ZFYVE9: variants seen among roughly 807,000 people sequenced by gnomAD.
The protein encoded by ZFYVE9 is zinc finger FYVE-type containing 9, also known as zinc finger FYVE domain-containing protein 9.
ZFYVE9 carries 43 observed loss-of-function variants against 126.7 expected under a neutral mutation model. That is an observed-to-expected ratio of 0.34 (90% CI 0.27 to 0.44). The LOEUF (loss-of-function observed/expected upper bound fraction) is 0.44, where lower values mean the gene tolerates loss of function less well. Ranked by LOEUF, ZFYVE9 falls within the 20% of genes least tolerant of loss-of-function variation. The probability of loss-of-function intolerance (pLI) is 1.00; values close to 1 mark genes in which losing one functional copy is unlikely to be tolerated. For missense variants in ZFYVE9, 1,476 were observed against 1,697.0 expected, an observed-to-expected ratio of 0.87 and a Z score of 2.29; for synonymous variants, 521 against 597.4, an observed-to-expected ratio of 0.87 and a Z score of 1.87.
chr1:52,295,123 G>T (rs1007291459), intron 11 of ZFYVE9, among the ~76,000 whole-genome samples: 12 of 151,994 alleles, frequency 7.9e-5, no homozygotes, highest in Non-Finnish European at 1.5e-4. Flanking sequence ...CAGGAGAATC[G>T]CTTGAACCCT....
chr1:52,282,907 C>G (rs1645818469), intron 10 of ZFYVE9, among the ~76,000 whole-genome samples: 1 of 152,040 alleles, frequency 6.6e-6, no homozygotes, highest in Non-Finnish European at 1.5e-5. Flanking sequence ...ATTACAGAAG[C>G]AGGATATATA....
At chr1:52,220,890 C>T (rs1645118597) in intron 2 of ZFYVE9, among the ~76,000 whole-genome samples, 1 of 152,180 alleles carries the variant, frequency 6.6e-6, no homozygotes, top group African/African-American at 2.4e-5. Flanking sequence ...GTTTGATCTG[C>T]AAGGTTATTT....
intron 1 of ZFYVE9, among the ~76,000 whole-genome samples, chr1:52,181,547 G>A (rs1281075495): frequency 6.7e-6 from 1 of 150,114 alleles, no homozygotes; most frequent in Middle Eastern, 3.3e-3. Context: ...GCCGCCCATC[G>A]TCTGGGATGT....
At chr1:52,314,415 C>T (rs1646163817) in intron 13 of ZFYVE9, among the ~76,000 whole-genome samples, 1 of 152,210 alleles carries the variant, frequency 6.6e-6, no homozygotes, top group Non-Finnish European at 1.5e-5. Context: ...GGCGCAGTGA[C>T]TCACACCCAT....
chr1:52,148,475 C>T (rs1049165979), intron 1 of ZFYVE9, among the ~76,000 whole-genome samples: 2 of 151,388 alleles, frequency 1.3e-5, no homozygotes, highest in African/African-American at 2.4e-5. Context: ...GCAAGAAGAG[C>T]GAAACTCCAT....
At chr1:52,178,635 G>T (rs1644664298) in intron 1 of ZFYVE9, among the ~76,000 whole-genome samples, 1 of 152,066 alleles carries the variant, frequency 6.6e-6, no homozygotes, top group African/African-American at 2.4e-5. Context: ...GGCTTATTTG[G>T]TTGAAGATTT....
chr1:52,332,378 C>T (rs1440434551), intron 13 of ZFYVE9, among the ~76,000 whole-genome samples: 4 of 152,130 alleles, frequency 2.6e-5, no homozygotes, highest in Non-Finnish European at 5.9e-5. Context: ...AAAAAGAAAG[C>T]AGATGTACTT....
intron 1 of ZFYVE9, among the ~76,000 whole-genome samples, chr1:52,143,343 A>T (rs1237788901): frequency 6.6e-6 from 1 of 152,204 alleles, no homozygotes; most frequent in Non-Finnish European, 1.5e-5. Flanking sequence ...AATGCTACTG[A>T]TTACAGTTTG....
intron 10 of ZFYVE9, among the ~76,000 whole-genome samples, chr1:52,291,876 A>G (rs535674243): frequency 4.6e-5 from 6 of 131,192 alleles, no homozygotes; most frequent in Non-Finnish European, 7.7e-5. Context: ...ACAGAGCGAG[A>G]CTCTGTCTCA....
Position 52,177,148 on chromosome 1 carries a change from A to ATT in ZFYVE9, c.-143+34762_-143+34763dup, listed in dbSNP as rs35941523. Among the ~76,000 whole-genome samples, 12 of 131,464 alleles carry ATT rather than the reference A, an allele frequency of 9.1e-5. No homozygotes were observed. In the East Asian group the frequency reaches 1.3e-3, roughly 14 times the overall value. 86.2% of individuals were successfully genotyped at this position (131,464 alleles called of 152,430 possible). ...TTGGCCATCTTGGCTCCCCAGCCCG[A>ATT]TTTTTTTTTTTTTTTTTTGAGACGG... On this transcript the variant is annotated intron_variant, in intron 1 of 18. Coordinates refer to ENST00000287727, the MANE Select transcript of ZFYVE9 (RefSeq NM_004799.4).
chr1:52,171,924 C>G (rs945367595), intron 1 of ZFYVE9, among the ~76,000 whole-genome samples: 4 of 152,000 alleles, frequency 2.6e-5, no homozygotes, highest in Admixed American at 1.3e-4. Context: ...GAGTAGGTTG[C>G]GAAAATTTTC....
At chr1:52,219,752 TGTGTGTGTGTG>T (rs1557463653) in intron 2 of ZFYVE9, among the ~76,000 whole-genome samples, 19 of 28,680 alleles carry the variant, frequency 6.6e-4, no homozygotes, top group African/African-American at 2.4e-3. Context: ...AGATCTTTTG[TGTGTGTGTGTG>T]TGTGTGTGTG....
intron 1 of ZFYVE9, among the ~76,000 whole-genome samples, chr1:52,198,620 A>G (rs550061422): frequency 3.9e-5 from 6 of 152,188 alleles, no homozygotes. Context: ...GAACCTACCA[A>G]TTTGGCTAGT....
At chr1:52,200,708 CT>C (rs1183659574) in intron 1 of ZFYVE9, among the ~76,000 whole-genome samples, 3 of 152,192 alleles carry the variant, frequency 2.0e-5, no homozygotes, top group Non-Finnish European at 4.4e-5. Flanking sequence ...CTAGATTTAT[CT>C]TTTTTTATAT....
intron 1 of ZFYVE9, among the ~76,000 whole-genome samples, chr1:52,151,250 C>G (rs747584984): frequency 2.0e-5 from 3 of 152,048 alleles, no homozygotes; most frequent in Non-Finnish European, 4.4e-5. Context: ...TAAAAGCTTT[C>G]CCTGTAGTGT....
At chr1:52,247,138 T>C (rs1474003172) in intron 4 of ZFYVE9, among the ~76,000 whole-genome samples, 1 of 152,172 alleles carries the variant, frequency 6.6e-6, no homozygotes, top group Non-Finnish European at 1.5e-5. Context: ...CTGCCTTTGA[T>C]TTTAAAACAT....
chr1:52,239,556 A>T lies in ZFYVE9; in HGVS notation c.2139A>T (p.Thr713=), dbSNP rs1160733786. Residue 713 remains threonine (T), a synonymous_variant, in exon 4 of 19, where the codon ACA becomes ACT. Transcript: ENST00000287727. ...GCATGAAATGTGAAGCCAGGTTTACATTCACCAAAAGGAGGCATCACTGCA... is the reference window on the plus strand; with the variant it reads ...GCATGAAATGTGAAGCCAGGTTTACTTTCACCAAAAGGAGGCATCACTGCA... ...PNCMKCEARF[T]FTKRRHHCRA... is the part of the protein sequence containing the mutation. 1 of 1,614,036 alleles carries T rather than the reference A, an allele frequency of 6.2e-7. No homozygotes were observed. The highest frequency in any genetic ancestry group is 2.2e-5 in the East Asian group (1 of 44,882).
rs1557484297 is a variant in ZFYVE9, at chr1:52,255,977, T to TTCC, written c.2179-7795_2179-7794insCCT. ...TCTTTTCTTTTCTTTTCTTTCTTTC[T>TTCC]TTCTTTCCTTCCTTCCTTCCTTCCT... On this transcript the variant is annotated intron_variant, in intron 4 of 18. Transcript: ENST00000287727. Among the ~76,000 whole-genome samples the TTCC allele has an allele frequency of 9.0e-4, 122 of 135,366 alleles. 2 individuals are homozygous for TTCC. Among genetic ancestry groups the TTCC allele is most frequent in the African/African-American group, 3.6e-3 (109 of 30,102 alleles). The allele number at this position is 135,366 out of a possible 152,430, so 88.8% of individuals were successfully genotyped here. A position where few individuals can be genotyped will look rare whatever the true frequency, so the allele number is the denominator to read the frequency against.
chr1:52,308,940 G>A (rs1418551043), intron 13 of ZFYVE9, among the ~76,000 whole-genome samples: 1 of 152,166 alleles, frequency 6.6e-6, no homozygotes, highest in Non-Finnish European at 1.5e-5. Context: ...ACATGAAACA[G>A]ATCTAATATA....
Sources: gnomAD v4.1 joint callset for allele counts (sites outside exome capture counted in the v4.1 genomes callset) on GRCh38, gnomAD v4.1.1 for gene constraint, MANE v1.5 for transcripts, NCBI Gene and HGNC (gene_info 2026-07-23, HGNC 2026-07-21) for gene names.